FRMD4B: variants seen among roughly 807,000 people sequenced by gnomAD.
The protein encoded by FRMD4B is FERM domain containing 4B, also known as FERM domain-containing protein 4B.
FRMD4B carries 74 observed loss-of-function variants against 141.5 expected under a neutral mutation model. That is an observed-to-expected ratio of 0.52 (90% CI 0.43 to 0.63). The LOEUF (loss-of-function observed/expected upper bound fraction) is 0.63, where lower values mean the gene tolerates loss of function less well. FRMD4B is among the 30% of genes least tolerant of loss of function. The pLI, the probability that FRMD4B is intolerant of heterozygous loss-of-function variation, is 0.00. For missense variants in FRMD4B, 1,366 were observed against 1,253.4 expected (o/e 1.09, Z -1.36); for synonymous variants, 506 against 467.9 (o/e 1.08, Z -1.05).
intron 1 of FRMD4B, among the ~76,000 whole-genome samples, chr3:69,349,333 C>G (rs1703055290): frequency 6.6e-6 from 1 of 152,268 alleles, no homozygotes; most frequent in African/African-American, 2.4e-5. Context: ...AGGACACAAA[C>G]AAATGGAAGA....
At chr3:69,526,192 C>G (rs1700929227) in intron 1 of FRMD4B, among the ~76,000 whole-genome samples, 1 of 152,164 alleles carries the variant, frequency 6.6e-6, no homozygotes, top group Admixed American at 6.5e-5. Flanking sequence ...GTTAACTACT[C>G]TCAGGAATTG....
chr3:69,308,524 A>C (rs1160589484), intron 3 of FRMD4B, among the ~76,000 whole-genome samples: 4 of 147,292 alleles, frequency 2.7e-5, no homozygotes, highest in Non-Finnish European at 6.0e-5. Flanking sequence ...TGCAACCTCC[A>C]CTTTCTGGGC....
intron 2 of FRMD4B, among the ~76,000 whole-genome samples, chr3:69,421,085 C>A (rs1704969816): frequency 6.6e-6 from 1 of 152,202 alleles, no homozygotes; most frequent in Non-Finnish European, 1.5e-5. Flanking sequence ...AGTGTCCACC[C>A]TACCCATGGC....
intron 5 of FRMD4B, among the ~76,000 whole-genome samples, chr3:69,282,196 C>CAAA (rs2107018091): frequency 6.6e-6 from 1 of 152,236 alleles, no homozygotes; most frequent in African/African-American, 2.4e-5. Context: ...CAAATAAGAG[C>CAAA]TCTCTTTTCT....
chr3:69,284,245 G>C (rs1027300867), intron 5 of FRMD4B, among the ~76,000 whole-genome samples: 1 of 152,162 alleles, frequency 6.6e-6, no homozygotes, highest in Non-Finnish European at 1.5e-5. Flanking sequence ...TGCGAAGAGA[G>C]AGAACCCCTG....
At chr3:69,445,212 T>A (rs1705394793) in intron 1 of FRMD4B, among the ~76,000 whole-genome samples, 1 of 152,156 alleles carries the variant, frequency 6.6e-6, no homozygotes, top group Non-Finnish European at 1.5e-5. Context: ...GATTAGAAGA[T>A]CATGACATTT....
chr3:69,301,544 G>A (rs1243577807), intron 4 of FRMD4B, among the ~76,000 whole-genome samples: 2 of 152,088 alleles, frequency 1.3e-5, no homozygotes, highest in Admixed American at 6.6e-5. Flanking sequence ...TGGCCAGGCT[G>A]TTCTCAAACT....
intron 1 of FRMD4B, among the ~76,000 whole-genome samples, chr3:69,533,527 T>C (rs1434065309): frequency 6.6e-6 from 1 of 152,220 alleles, no homozygotes; most frequent in South Asian, 2.1e-4. Context: ...AGGGGCTCAA[T>C]AAAAGGTAGC....
chr3:69,345,539 C>T (rs1217492526), intron 1 of FRMD4B, among the ~76,000 whole-genome samples: 1 of 152,208 alleles, frequency 6.6e-6, no homozygotes, highest in Non-Finnish European at 1.5e-5. Flanking sequence ...ACTGCCTCCT[C>T]AAGTGGGTCC....
chr3:69,210,977 C>A (rs2093071241), intron 11 of FRMD4B, among the ~76,000 whole-genome samples: 1 of 132,268 alleles, frequency 7.6e-6, no homozygotes, highest in South Asian at 2.6e-4. Context: ...GAGCTCGTGC[C>A]ATTGCACTCC....
At chr3:69,387,846 A>G (rs1704296526), upstream of FRMD4B, among the ~76,000 whole-genome samples, 1 of 152,202 alleles carries the variant, frequency 6.6e-6, no homozygotes, top group Non-Finnish European at 1.5e-5. Flanking sequence ...AGTTAATAGG[A>G]CACAAGACTT....
intron 1 of FRMD4B, among the ~76,000 whole-genome samples, chr3:69,440,986 T>C (rs185709771): frequency 6.6e-6 from 1 of 152,292 alleles, no homozygotes; most frequent in Admixed American, 6.5e-5. Context: ...TACAATAACC[T>C]TTTTTTCCTG....
At chr3:69,277,059 A>G (rs144582403) in intron 5 of FRMD4B, among the ~76,000 whole-genome samples, 384 of 152,346 alleles carry the variant, frequency 2.5e-3, no homozygotes, top group African/African-American at 8.9e-3. Flanking sequence ...GGTCTTGGTT[A>G]AGAAATGGGG....
At chr3:69,231,850 T>G (rs368160515) in intron 7 of FRMD4B, among the ~76,000 whole-genome samples, 1 of 152,200 alleles carries the variant, frequency 6.6e-6, no homozygotes, top group East Asian at 1.9e-4. Context: ...CTCGATCGTT[T>G]CCATAGTTTA....
intron 1 of FRMD4B, among the ~76,000 whole-genome samples, chr3:69,513,696 C>T (rs1246814509): frequency 6.6e-6 from 1 of 151,846 alleles, no homozygotes; most frequent in South Asian, 2.1e-4. Flanking sequence ...TTATATAGGG[C>T]AACCAAGTGA....
intron 16 of FRMD4B, among the ~76,000 whole-genome samples, chr3:69,194,581 C>A (rs1230156291): frequency 6.6e-6 from 1 of 152,166 alleles, no homozygotes; most frequent in Non-Finnish European, 1.5e-5. Context: ...TAGCTCAGTG[C>A]TGTGCATGTA....
At chr3:69,354,767 T>C (rs1843050) in intron 1 of FRMD4B, among the ~76,000 whole-genome samples, 59,550 of 151,914 alleles carry the variant, frequency 0.39, 14,316 homozygotes, top group African/African-American at 0.69. Flanking sequence ...CAGATCCTTC[T>C]AAAGACTCTA....
intron 1 of FRMD4B, among the ~76,000 whole-genome samples, chr3:69,540,660 T>TATATATATATACACACACAC (rs1241897477): frequency 8.8e-5 from 5 of 56,870 alleles, no homozygotes; most frequent in African/African-American, 5.2e-4. Context: ...TATATATATA[T>TATATATATATACACACACAC]ACACACACAC....
Position 69,348,552 on chromosome 3 carries a change from T to C in FRMD4B, c.163-35035A>G, listed in dbSNP as rs146745804. On this transcript the variant is annotated intron_variant, in intron 1 of 22. Coordinates refer to ENST00000398540, the MANE Select transcript of FRMD4B (RefSeq NM_015123.3). ...ACAAAAAAAGAGAATTTTAGACCAATATCCCTGATGAACATCGATGCAAAG... is the reference window on the plus strand; with the variant it reads ...ACAAAAAAAGAGAATTTTAGACCAACATCCCTGATGAACATCGATGCAAAG... Among the ~76,000 whole-genome samples the C allele has an allele frequency of 8.7e-3, 1,332 of 152,256 alleles. 22 individuals carry two copies. Among genetic ancestry groups the C allele is most frequent in the African/African-American group, 0.029 (1,202 of 41,528 alleles).
Sources: allele counts gnomAD v4.1 joint callset (sites outside exome capture counted in the v4.1 genomes callset), GRCh38; gene constraint gnomAD v4.1.1; transcripts MANE v1.5; gene names NCBI Gene and HGNC (gene_info 2026-07-23, HGNC 2026-07-21).